Variants in LRRC4C observed in about 807,000 individuals in gnomAD.
LRRC4C encodes the protein leucine rich repeat containing 4C.
A neutral mutation model predicts 33.6 loss-of-function variants in LRRC4C; 5 were observed. The ratio of observed to expected loss-of-function variants is 0.15; its 90% CI spans 0.08 to 0.31. LRRC4C has a LOEUF of 0.31. Ranked by LOEUF, LRRC4C falls within the 10% of genes least tolerant of loss-of-function variation. The probability of loss-of-function intolerance (pLI) is 1.00; values close to 1 mark genes in which losing one functional copy is unlikely to be tolerated. For missense variants in LRRC4C, 560 were observed against 796.7 expected (o/e 0.70, Z 3.58); for synonymous variants, 329 against 302.0 (o/e 1.09, Z -0.93).
At chr11:40,539,484 G>A (rs567389048) in intron 3 of LRRC4C, among the ~76,000 whole-genome samples, 4 of 151,940 alleles carry the variant, frequency 2.6e-5, no homozygotes, top group African/African-American at 9.7e-5. Flanking sequence ...TAAGTTTGAA[G>A]CTCTATCATT....
chr11:41,116,257 G>C lies in LRRC4C; in HGVS notation c.-495-182534C>G, dbSNP rs75265900. ...ATGCATCCTATGTGACTTTGGATAA[G>C]CTATGAAGCCTCAGGTTTTTCAGCT... is the stretch of plus-strand genomic sequence containing the variant. On this transcript the variant is annotated intron_variant, in intron 1 of 6. Transcript: ENST00000528697. Among the ~76,000 whole-genome samples, 180 of 152,218 alleles carry C rather than the reference G, an allele frequency of 1.2e-3. 1 individual carries two copies. Among genetic ancestry groups the C allele is most frequent in the African/African-American group, 4.1e-3 (170 of 41,540 alleles).
chr11:41,126,944 G>T (rs1590683164), intron 1 of LRRC4C, among the ~76,000 whole-genome samples: 1 of 152,056 alleles, frequency 6.6e-6, no homozygotes, highest in South Asian at 2.1e-4. Flanking sequence ...TAAACTAATT[G>T]TTACTTTAAG....
At chr11:41,183,613 G>C (rs760050143) in intron 1 of LRRC4C, among the ~76,000 whole-genome samples, 5 of 152,148 alleles carry the variant, frequency 3.3e-5, no homozygotes, top group Non-Finnish European at 5.9e-5. Context: ...CCTGCTGGCT[G>C]CTTTCACAAG....
At chr11:41,048,169 A>G (rs1165084324) in intron 1 of LRRC4C, among the ~76,000 whole-genome samples, 1 of 152,148 alleles carries the variant, frequency 6.6e-6, no homozygotes, top group Non-Finnish European at 1.5e-5. Context: ...TGAGCATGTG[A>G]ATAAATTGCT....
intron 1 of LRRC4C, among the ~76,000 whole-genome samples, chr11:41,064,238 G>A (rs1384641915): frequency 6.6e-6 from 1 of 152,174 alleles, no homozygotes; most frequent in Admixed American, 6.5e-5. Flanking sequence ...GACAACACTA[G>A]TCTTTCCTAT....
intron 2 of LRRC4C, among the ~76,000 whole-genome samples, chr11:40,704,991 G>A (rs1946076698): frequency 6.6e-6 from 1 of 151,858 alleles, no homozygotes; most frequent in Non-Finnish European, 1.5e-5. Flanking sequence ...TAATGTAAAA[G>A]TTAACTGTAT....
At chr11:40,748,992 T>C (rs922260419) in intron 2 of LRRC4C, among the ~76,000 whole-genome samples, 1 of 151,956 alleles carries the variant, frequency 6.6e-6, no homozygotes, top group African/African-American at 2.4e-5. Context: ...AAGCAAATAA[T>C]ACTACATCTA....
chr11:41,021,196 A>T (rs1300610956), intron 1 of LRRC4C, among the ~76,000 whole-genome samples: 1,289 of 55,748 alleles, frequency 0.023, 38 homozygotes, highest in African/African-American at 0.078. Flanking sequence ...AGAGAGAGAG[A>T]GAGAGAGAGA....
At chr11:41,219,230 C>T (rs1251038666) in intron 1 of LRRC4C, among the ~76,000 whole-genome samples, 1 of 151,178 alleles carries the variant, frequency 6.6e-6, no homozygotes, top group Admixed American at 6.6e-5. Context: ...CACAAGTACT[C>T]CCAACAAAAT....
chr11:40,515,778 C>A (rs1314124603), intron 3 of LRRC4C, among the ~76,000 whole-genome samples: 1 of 151,900 alleles, frequency 6.6e-6, no homozygotes, highest in African/African-American at 2.4e-5. Context: ...ATATTTTAGC[C>A]ATGTTTGAGG....
At chr11:40,352,593 G>GATACGAGTTCAAC in intron 3 of LRRC4C, among the ~76,000 whole-genome samples, 1 of 152,094 alleles carries the variant, frequency 6.6e-6, no homozygotes, top group South Asian at 2.1e-4. Flanking sequence ...TTCATCTTGA[G>GATACGAGTTCAAC]TTGACAAGAT....
At chr11:40,619,112 G>A (rs563960193) in intron 3 of LRRC4C, among the ~76,000 whole-genome samples, 2 of 151,784 alleles carry the variant, frequency 1.3e-5, no homozygotes, top group Admixed American at 6.6e-5. Context: ...ACTCATGAAC[G>A]TAGAGGGTAG....
chr11:41,184,975 T>A (rs1335842746), intron 1 of LRRC4C, among the ~76,000 whole-genome samples: 2 of 152,064 alleles, frequency 1.3e-5, no homozygotes, highest in African/African-American at 4.8e-5. Flanking sequence ...GAAACTACCA[T>A]TTTTTAAAAC....
At chr11:40,237,761 G>T (rs1021357358) in intron 5 of LRRC4C, among the ~76,000 whole-genome samples, 1 of 152,116 alleles carries the variant, frequency 6.6e-6, no homozygotes. Flanking sequence ...TGAAGTTTGA[G>T]TATTGCCTGG....
At chr11:40,948,339 T>C (rs1384634706) in intron 1 of LRRC4C, among the ~76,000 whole-genome samples, 1 of 152,108 alleles carries the variant, frequency 6.6e-6, no homozygotes, top group African/African-American at 2.4e-5. Context: ...GAAAATTTTC[T>C]TTGTTTTTCT....
At chr11:40,672,476 A>G (rs913651143) in intron 2 of LRRC4C, among the ~76,000 whole-genome samples, 2 of 152,212 alleles carry the variant, frequency 1.3e-5, no homozygotes, top group Non-Finnish European at 2.9e-5. Flanking sequence ...TATACTTTAC[A>G]TATTTATTTT....
At chr11:40,270,561 C>T (rs532546242) in intron 4 of LRRC4C, among the ~76,000 whole-genome samples, 4 of 152,092 alleles carry the variant, frequency 2.6e-5, no homozygotes, top group African/African-American at 9.6e-5. Flanking sequence ...TTTTGAGGGA[C>T]AAAATTCTGC....
Position 40,156,263 on chromosome 11 carries a change from T to A in LRRC4C, c.-95-15410A>T, listed in dbSNP as rs139378569. ...CAACATAATACCGAATGGGGAAAAG[T>A]TGAAAGCATTCCCTCTGAATGAACA... On this transcript the variant is annotated intron_variant, in intron 5 of 6. Transcript: ENST00000528697. 3.6e-3 allele frequency among the ~76,000 whole-genome samples: 549 copies of A among 152,174 alleles called. 5 individuals are homozygous for A. The highest frequency in any genetic ancestry group is 0.012 in the African/African-American group (506 of 41,532).
chr11:40,602,618 G>A (rs961458792), intron 3 of LRRC4C, among the ~76,000 whole-genome samples: 6 of 152,036 alleles, frequency 3.9e-5, no homozygotes, highest in East Asian at 1.9e-4. Flanking sequence ...AGGAAATGGC[G>A]AGTTTTATTA....
Sources: allele counts gnomAD v4.1 joint callset (sites outside exome capture counted in the v4.1 genomes callset), GRCh38; gene constraint gnomAD v4.1.1; transcripts MANE v1.5; gene names NCBI Gene and HGNC (gene_info 2026-07-23, HGNC 2026-07-21).